CPEB1: variants seen among roughly 807,000 people sequenced by gnomAD.
CPEB1 encodes the protein cytoplasmic polyadenylation element-binding protein 1.
Under a neutral mutation model 65.8 loss-of-function variants are expected in CPEB1, and 7 were observed. That is an observed-to-expected ratio of 0.11 (90% CI 0.06 to 0.20). The LOEUF (loss-of-function observed/expected upper bound fraction) is 0.20. Among genes scored for constraint, CPEB1 ranks in the 10% least tolerant of loss-of-function variants. CPEB1 has a pLI of 1.00. For missense variants in CPEB1, 551 were observed against 712.2 expected (o/e 0.77, Z 2.58); for synonymous variants, 262 against 260.0 (o/e 1.01, Z -0.08).
At chr15:82,624,587 G>A (rs953917366) in intron 3 of CPEB1, among the ~76,000 whole-genome samples, 16 of 152,116 alleles carry the variant, frequency 1.1e-4, no homozygotes, top group African/African-American at 3.9e-4. Context: ...CTGACCCTGG[G>A]CAGAGTATAA....
chr15:82,547,029 C>G, intron 11 of CPEB1, 114 bp downstream of exon 11: 1 of 705,778 alleles, frequency 1.4e-6, no homozygotes, highest in Non-Finnish European at 2.4e-6. Flanking sequence ...ATTTGGCTCA[C>G]TTCCCTAAAC....
chr15:82,602,433 A>C (rs566771627), intron 3 of CPEB1, among the ~76,000 whole-genome samples: 94 of 152,300 alleles, frequency 6.2e-4, no homozygotes, highest in African/African-American at 2.2e-3. Context: ...CCTGTTATAC[A>C]AGTGCTTTGG....
intron 3 of CPEB1, among the ~76,000 whole-genome samples, chr15:82,576,571 T>C (rs1361268791): frequency 6.6e-6 from 1 of 152,230 alleles, no homozygotes; most frequent in Non-Finnish European, 1.5e-5. Flanking sequence ...TGACAAGATG[T>C]TCACTGTTCA....
At chr15:82,556,238 C>A in intron 5 of CPEB1, 116 bp from the exon 6 acceptor site, 1 of 1,189,794 alleles carries the variant, frequency 8.4e-7, no homozygotes, top group Non-Finnish European at 1.1e-6. Context: ...GATATATATT[C>A]TTTTAGACTT....
intron 3 of CPEB1, among the ~76,000 whole-genome samples, chr15:82,575,947 T>TTA (rs1211320718): frequency 2.0e-5 from 3 of 152,114 alleles, no homozygotes; most frequent in South Asian, 2.1e-4. Flanking sequence ...CTAACACATA[T>TTA]TATCTTATGA....
At chr15:82,586,852 T>G (rs886347421) in intron 3 of CPEB1, among the ~76,000 whole-genome samples, 2 of 152,220 alleles carry the variant, frequency 1.3e-5, no homozygotes, top group African/African-American at 4.8e-5. Context: ...GAGTTAAAAG[T>G]TGCTAGTAAG....
At chr15:82,558,730 A>T (rs1355225929) in intron 4 of CPEB1, among the ~76,000 whole-genome samples, 2 of 152,196 alleles carry the variant, frequency 1.3e-5, no homozygotes, top group Non-Finnish European at 2.9e-5. Flanking sequence ...TGACATTGTT[A>T]GGACAGCTCA....
chr15:82,593,792 C>T (rs1232164065), intron 3 of CPEB1, among the ~76,000 whole-genome samples: 1 of 152,194 alleles, frequency 6.6e-6, no homozygotes. Context: ...GATCTTGTGT[C>T]AGCAGGCATG....
intron 3 of CPEB1, among the ~76,000 whole-genome samples, chr15:82,618,042 C>T (rs568319182): frequency 4.6e-5 from 7 of 151,652 alleles, no homozygotes; most frequent in Middle Eastern, 3.4e-3. Flanking sequence ...ACTTTTGTAA[C>T]TTCTTTGTAA....
chr15:82,597,995 G>A (rs1413861314), intron 3 of CPEB1, among the ~76,000 whole-genome samples: 1 of 152,220 alleles, frequency 6.6e-6, no homozygotes, highest in Non-Finnish European at 1.5e-5. Context: ...AGTAGAAGCA[G>A]ACAGGCTGGT....
intron 3 of CPEB1, among the ~76,000 whole-genome samples, chr15:82,576,433 T>C (rs1037338853): frequency 1.2e-4 from 19 of 152,238 alleles, no homozygotes; most frequent in African/African-American, 4.6e-4. Flanking sequence ...TCACTGCATA[T>C]AAATTTTACC....
chr15:82,611,714 A>G (rs1314734716), intron 3 of CPEB1, among the ~76,000 whole-genome samples: 1 of 152,082 alleles, frequency 6.6e-6, no homozygotes, highest in Non-Finnish European at 1.5e-5. Flanking sequence ...CAAAAAAAAG[A>G]AAACCCCAAA....
At chr15:82,579,577 CT>C (rs1252236737) in intron 3 of CPEB1, among the ~76,000 whole-genome samples, 1 of 152,144 alleles carries the variant, frequency 6.6e-6, no homozygotes, top group Non-Finnish European at 1.5e-5. Flanking sequence ...AGTTTATGTA[CT>C]TTTGTTGTTA....
chr15:82,644,740 AT>A (rs1290284155), intron 1 of CPEB1, among the ~76,000 whole-genome samples: 4 of 152,252 alleles, frequency 2.6e-5, no homozygotes, highest in Non-Finnish European at 5.9e-5. Context: ...TCCTTTGCTC[AT>A]TTATGTTACC....
intron 2 of CPEB1, 95 bp from the exon 3 acceptor site, chr15:82,627,462 T>G: frequency 1.1e-6 from 1 of 919,672 alleles, no homozygotes; most frequent in Non-Finnish European, 1.6e-6. Context: ...AGGAAGGACT[T>G]AAGTATCTTC....
chr15:82,555,946 T>G lies in CPEB1; in HGVS notation c.864A>C (p.Pro288=), dbSNP rs1145171. ...SKRWPGASVW[P]SWDLLEAPKD... ...TGGGAGCTTCGAGGAGGTCCCAGGA[T>G]GGCCACACAGAAGCTCCTGGCCATC... The change falls in exon 6 of 13, where the codon CCA becomes CCC. Residue 288 remains proline (P), a synonymous_variant. Coordinates refer to ENST00000684509, the MANE Select transcript of CPEB1 (RefSeq NM_001365242.1). The G allele has an allele frequency of 6.2e-7, 1 of 1,613,464 alleles. No individual in the cohort carries two copies. The highest frequency in any genetic ancestry group is 1.3e-5 in the African/African-American group (1 of 74,854).
intron 3 of CPEB1, among the ~76,000 whole-genome samples, chr15:82,599,316 G>C (rs1216900590): frequency 6.6e-6 from 1 of 152,024 alleles, no homozygotes. Flanking sequence ...CTTCACGATA[G>C]GTACTAGTAC....
intron 9 of CPEB1, among the ~76,000 whole-genome samples, chr15:82,551,865 A>G (rs1235834799): frequency 1.3e-5 from 2 of 152,222 alleles, no homozygotes; most frequent in Admixed American, 1.3e-4. Flanking sequence ...AGGCCCAAGA[A>G]TGTGCAATGA....
chr15:82,620,589 A>T (rs568985529), intron 3 of CPEB1, among the ~76,000 whole-genome samples: 1 of 152,080 alleles, frequency 6.6e-6, no homozygotes, highest in African/African-American at 2.4e-5. Flanking sequence ...CTTAAGCCCA[A>T]GAGTCCAAGA....
Sources: gnomAD v4.1 joint callset for allele counts (sites outside exome capture counted in the v4.1 genomes callset) on GRCh38, gnomAD v4.1.1 for gene constraint, MANE v1.5 for transcripts, NCBI Gene and HGNC (gene_info 2026-07-23, HGNC 2026-07-21) for gene names.